APBA1: variants seen among roughly 807,000 people sequenced by gnomAD.
APBA1 encodes amyloid beta precursor protein binding family A member 1, also known as amyloid-beta A4 precursor protein-binding family A member 1.
A neutral mutation model predicts 86.6 loss-of-function variants in APBA1; 55 were observed. The ratio of observed to expected loss-of-function variants is 0.64; its 90% confidence interval spans 0.51 to 0.80. APBA1 has a LOEUF of 0.80. Among genes scored for constraint, APBA1 ranks in the 30% least tolerant of loss-of-function variants. The pLI, the probability that APBA1 is intolerant of heterozygous loss-of-function variation, is 0.00. For synonymous variants in APBA1, 511 were observed against 493.9 expected (o/e 1.03, Z -0.46); for missense variants, 1,090 against 1,183.0 (o/e 0.92, Z 1.15).
rs190698648 is a variant in APBA1 at position 69,551,477 on chromosome 9, C to T, written c.-69-34198G>A. 7.4e-3 allele frequency among the ~76,000 whole-genome samples: 1,125 copies of T among 151,276 alleles called. 15 individuals carry two copies. The highest frequency in any genetic ancestry group is 0.025 in the African/African-American group (1,029 of 41,140). On this transcript the variant is annotated intron_variant, in intron 1 of 12. Coordinates refer to ENST00000265381, the MANE Select transcript of APBA1 (RefSeq NM_001163.4). ...CTGGGGCAAGAGAATCGCTTTAACC[C>T]GGGAGGCGGAGGTTGCAGTCAGCTG...
chr9:69,468,072 T>A lies in APBA1; in HGVS notation c.1337-104A>T. 2.1e-6 allele frequency: 3 copies of A among 1,430,748 alleles called. No homozygotes were observed. The South Asian group carries it at 3.8e-5, about 18-fold the overall frequency. The allele number at this position is 1,430,748 out of a possible 1,614,324, so 88.6% of individuals were successfully genotyped here. ...TCCCATGCCTCACTGCTGGCACAGG[T>A]GAGGCAGAGCCAACCTGCTGGTCTG... On this transcript the variant is annotated intron_variant, in intron 4 of 12. Transcript: ENST00000265381.
At chr9:69,436,052 CTTGT>C (rs1268256584) in intron 11 of APBA1, among the ~76,000 whole-genome samples, 3 of 151,190 alleles carry the variant, frequency 2.0e-5, no homozygotes, top group Admixed American at 1.3e-4. Context: ...TCCCCCATTG[CTTGT>C]TTTTCTCAGG....
At chr9:69,458,127 C>A (rs1588296089) in intron 6 of APBA1, 29 bp downstream of exon 6, 1 of 1,591,136 alleles carries the variant, frequency 6.3e-7, no homozygotes, top group Non-Finnish European at 8.5e-7. Flanking sequence ...AGGCATAACA[C>A]CAAGCTGATG....
rs543951929 is a variant in APBA1, at chr9:69,637,144, C to G, written c.-70+35009G>C. Among the ~76,000 whole-genome samples, 196 of 152,100 alleles carry G rather than the reference C, an allele frequency of 1.3e-3. 1 individual carries two copies. Among genetic ancestry groups the G allele is most frequent in the African/African-American group, 4.6e-3 (190 of 41,492 alleles). ...GAAAGATAAACTTCACATGTTCTCA[C>G]TTTTTTCTGGGAGATAAAAATTAAA... is the stretch of plus-strand genomic sequence containing the variant. On this transcript the variant is annotated intron_variant, in intron 1 of 12. Coordinates refer to ENST00000265381, the MANE Select transcript of APBA1 (RefSeq NM_001163.4).
intron 2 of APBA1, among the ~76,000 whole-genome samples, chr9:69,476,491 T>A (rs1034972628): frequency 6.6e-6 from 1 of 152,214 alleles, no homozygotes; most frequent in Non-Finnish European, 1.5e-5. Flanking sequence ...ATTTTTTTCT[T>A]ACTGATGAAG....
chr9:69,432,804 C>T, intron 11 of APBA1, 128 bp from the exon 12 acceptor site: 1 of 961,376 alleles, frequency 1.0e-6, no homozygotes, highest in Non-Finnish European at 1.4e-6. Flanking sequence ...AGGCTTTGGG[C>T]ATTTAACTCT....
At chr9:69,515,962 T>G in intron 2 of APBA1, 49 bp downstream of exon 2, 2 of 1,465,050 alleles carry the variant, frequency 1.4e-6, no homozygotes, top group African/African-American at 1.4e-5. Flanking sequence ...GGCGCCATCT[T>G]CCCTCCCACC....
At chr9:69,602,413 T>C (rs1822369227) in intron 1 of APBA1, among the ~76,000 whole-genome samples, 1 of 151,866 alleles carries the variant, frequency 6.6e-6, no homozygotes. Context: ...CTACTAAAAA[T>C]ACAAACAATT....
At chr9:69,653,180 T>C (rs2134017796) in intron 1 of APBA1, among the ~76,000 whole-genome samples, 1 of 152,180 alleles carries the variant, frequency 6.6e-6, no homozygotes, top group East Asian at 1.9e-4. Flanking sequence ...AAGTAGATTA[T>C]TTTAAAGTTA....
At chr9:69,604,076 G>A (rs567931143) in intron 1 of APBA1, among the ~76,000 whole-genome samples, 1 of 152,356 alleles carries the variant, frequency 6.6e-6, no homozygotes, top group South Asian at 2.1e-4. Flanking sequence ...TGGAAACGCT[G>A]TACAAAGCAG....
chr9:69,596,119 C>G (rs553875614), intron 1 of APBA1, among the ~76,000 whole-genome samples: 1 of 152,196 alleles, frequency 6.6e-6, no homozygotes, highest in East Asian at 1.9e-4. Flanking sequence ...TCCCAAGTAG[C>G]TAGTACTACA....
chr9:69,611,306 A>AAAAAAAAAAAC (rs1822584590), intron 1 of APBA1, among the ~76,000 whole-genome samples: 1 of 138,328 alleles, frequency 7.2e-6, no homozygotes, highest in Admixed American at 7.4e-5. Flanking sequence ...AAAAAAAAAC[A>AAAAAAAAAAAC]AAAAAAAAAC....
At chr9:69,453,487 CA>C (rs1314392039) in intron 8 of APBA1, among the ~76,000 whole-genome samples, 6 of 152,162 alleles carry the variant, frequency 3.9e-5, no homozygotes, top group Non-Finnish European at 8.8e-5. Flanking sequence ...AGCAACTGAG[CA>C]CTTCTCATGT....
chr9:69,667,171 T>C (rs1823856460), intron 1 of APBA1, among the ~76,000 whole-genome samples: 1 of 152,250 alleles, frequency 6.6e-6, no homozygotes, highest in South Asian at 2.1e-4. Flanking sequence ...GAAATACAAG[T>C]GGAGTCTTTT....
At chr9:69,449,546 G>A in intron 10 of APBA1, 38 bp downstream of exon 10, 1 of 1,572,218 alleles carries the variant, frequency 6.4e-7, no homozygotes, top group Non-Finnish European at 8.7e-7. Flanking sequence ...ATCACTTGAG[G>A]TTTACCACAT....
intron 1 of APBA1, among the ~76,000 whole-genome samples, chr9:69,622,213 A>G (rs543556951): frequency 1.3e-3 from 191 of 152,368 alleles, no homozygotes; most frequent in African/African-American, 4.3e-3. Context: ...AAGAACCAGC[A>G]GAATAAGCCC....
intron 1 of APBA1, among the ~76,000 whole-genome samples, chr9:69,637,635 G>A (rs769759824): frequency 2.6e-5 from 4 of 152,200 alleles, no homozygotes; most frequent in Admixed American, 1.3e-4. Context: ...GCAGACACAG[G>A]CTGAGAAGCA....
chr9:69,577,677 A>G (rs1161626522), intron 1 of APBA1, among the ~76,000 whole-genome samples: 2 of 152,242 alleles, frequency 1.3e-5, no homozygotes, highest in Non-Finnish European at 2.9e-5. Context: ...AAAATCTGGT[A>G]TCACTTCATA....
At chr9:69,491,641 C>G (rs1274600599) in intron 2 of APBA1, among the ~76,000 whole-genome samples, 1 of 151,538 alleles carries the variant, frequency 6.6e-6, no homozygotes, top group Non-Finnish European at 1.5e-5. Flanking sequence ...ACTCCTAAGA[C>G]AATGGGTTTA....
Sources: gnomAD v4.1 joint callset for allele counts (sites outside exome capture counted in the v4.1 genomes callset) on GRCh38, gnomAD v4.1.1 for gene constraint, MANE v1.5 for transcripts, NCBI Gene and HGNC (gene_info 2026-07-23, HGNC 2026-07-21) for gene names.